The following DPY19L2 variants were observed in gnomAD, a reference collection of about 807,000 sequenced individuals.
DPY19L2 encodes the protein dpy-19 like 2.
In DPY19L2, 34 loss-of-function variants were observed where a neutral mutation model predicts 97.9. The ratio of observed to expected loss-of-function variants is 0.35; its 90% CI spans 0.26 to 0.46. DPY19L2 has a LOEUF of 0.46. Among genes scored for constraint, DPY19L2 ranks in the 20% least tolerant of loss-of-function variants. The pLI, the probability that DPY19L2 is intolerant of heterozygous loss-of-function variation, is 1.00. For synonymous variants in DPY19L2, 230 were observed against 307.9 expected (o/e 0.75, Z 2.65); for missense variants, 623 against 911.4 (o/e 0.68, Z 4.07).
At chr12:63,632,672 T>A (rs1014239414) in intron 6 of DPY19L2, among the ~76,000 whole-genome samples, 2 of 152,128 alleles carry the variant, frequency 1.3e-5, no homozygotes, top group African/African-American at 4.8e-5. Flanking sequence ...GGAATCCCCA[T>A]CAAGCTACCA....
chr12:63,618,547 G>C (rs1337848816), intron 9 of DPY19L2, among the ~76,000 whole-genome samples: 1 of 152,100 alleles, frequency 6.6e-6, no homozygotes, highest in African/African-American at 2.4e-5. Flanking sequence ...AATTTCAACA[G>C]AGGCAGATGC....
chr12:63,600,888 G>C (rs947259183), intron 12 of DPY19L2, among the ~76,000 whole-genome samples: 4 of 151,642 alleles, frequency 2.6e-5, no homozygotes, highest in South Asian at 4.2e-4. Context: ...CGGGTTCACG[G>C]CATTCTCCTG....
intron 16 of DPY19L2, 92 bp from the exon 17 acceptor site, chr12:63,583,928 T>C: frequency 1.9e-6 from 2 of 1,080,528 alleles, no homozygotes; most frequent in Non-Finnish European, 2.7e-6. Flanking sequence ...TCTTAGATTT[T>C]TAAAATGTGA....
chr12:63,661,339 C>T lies in DPY19L2; in HGVS notation c.588+5G>A, dbSNP rs757393113. 3.8e-6 allele frequency: 6 copies of T among 1,565,314 alleles called. No homozygotes were observed. In the South Asian group the frequency reaches 7.3e-5, roughly 19 times the overall value. On this transcript the variant is annotated splice_donor_5th_base_variant and intron_variant, in intron 4 of 21. Transcript: ENST00000324472. The stretch of plus-strand genomic sequence containing the variant: ...AAATATTATTTGTCTCAAATTATGA[C>T]TCACCTCTGGATAAAGATGGAAGCG...
At position 63,610,636 on chromosome 12, in the gene DPY19L2, A is replaced by C. The variant is rs560748987; in HGVS notation, c.1219-1961T>G. Among the ~76,000 whole-genome samples the C allele has an allele frequency of 3.3e-5, 5 of 151,294 alleles. No homozygotes were observed. In the South Asian group the frequency reaches 1.0e-3, roughly 32 times the overall value. On this transcript the variant is annotated intron_variant, in intron 11 of 21. Transcript: ENST00000324472. ...AATCAGTAATAAAAATTTTCTCAAC[A>C]AAGGAAAACCTCGAACCAGATGGCT...
chr12:63,587,793 G>C (rs189721159), intron 16 of DPY19L2, among the ~76,000 whole-genome samples: 102 of 152,002 alleles, frequency 6.7e-4, no homozygotes, highest in African/African-American at 2.3e-3. Context: ...GGATGGTCTC[G>C]ATCTCCTGAC....
Position 63,668,468 on chromosome 12 carries a change from G to C in DPY19L2, c.-75C>G. Reference sequence around the variant, plus strand: ...AGTCAGGCGAGGTCCAGAGAGACCTGACTCGCCTGGCAGCCTCAACGGACT... The same window carrying C: ...AGTCAGGCGAGGTCCAGAGAGACCTCACTCGCCTGGCAGCCTCAACGGACT... On this transcript the variant is annotated 5_prime_UTR_variant, in exon 1 of 22. Coordinates refer to ENST00000324472, the MANE Select transcript of DPY19L2 (RefSeq NM_173812.5). The C allele has an allele frequency of 1.4e-6, 2 of 1,398,168 alleles. No homozygotes were observed. Among genetic ancestry groups the C allele is most frequent in the Non-Finnish European group, 1.9e-6 (2 of 1,055,910 alleles). The allele number at this position is 1,398,168 out of a possible 1,614,324, so 86.6% of individuals were successfully genotyped here.
At chr12:63,655,308 G>A (rs1894819118) in intron 4 of DPY19L2, among the ~76,000 whole-genome samples, 1 of 152,118 alleles carries the variant, frequency 6.6e-6, no homozygotes, top group African/African-American at 2.4e-5. Context: ...ATAAAAAATA[G>A]TGACAATACC....
At chr12:63,573,928 G>C (rs1490415364) in intron 19 of DPY19L2, among the ~76,000 whole-genome samples, 1 of 152,064 alleles carries the variant, frequency 6.6e-6, no homozygotes, top group African/African-American at 2.4e-5. Context: ...AAATGCTAAA[G>C]GGAGATCTTC....
chr12:63,627,150 A>C (rs1889696325), intron 6 of DPY19L2, among the ~76,000 whole-genome samples: 1 of 152,170 alleles, frequency 6.6e-6, no homozygotes, highest in Non-Finnish European at 1.5e-5. Context: ...TCTGAATAAA[A>C]GCAAATTTTT....
Position 63,582,398 on chromosome 12 carries a change from T to A in DPY19L2, c.1725+8A>T. ...TATAGTATTGTTATACAAGAATGAA[T>A]CCCTTACCTGTCGAGAGCATATCAA... On this transcript the variant is annotated splice_region_variant and intron_variant, in intron 18 of 21. Transcript: ENST00000324472. 3 of 1,609,716 alleles carry A rather than the reference T, an allele frequency of 1.9e-6. No homozygotes were observed. The highest frequency in any genetic ancestry group is 1.7e-6 in the Non-Finnish European group (2 of 1,178,484).
intron 19 of DPY19L2, among the ~76,000 whole-genome samples, chr12:63,579,627 G>A (rs1880513767): frequency 6.6e-6 from 1 of 152,110 alleles, no homozygotes; most frequent in South Asian, 2.1e-4. Flanking sequence ...TTAAAAGCTT[G>A]GGAAAAATAG....
chr12:63,604,516 G>A (rs1161674250), intron 12 of DPY19L2, among the ~76,000 whole-genome samples: 1 of 151,888 alleles, frequency 6.6e-6, no homozygotes, highest in African/African-American at 2.4e-5. Context: ...CATAGGTCCC[G>A]AAGGCTCTGT....
chr12:63,563,736 T>C (rs1303445218), intron 21 of DPY19L2, among the ~76,000 whole-genome samples: 1 of 152,150 alleles, frequency 6.6e-6, no homozygotes, highest in Non-Finnish European at 1.5e-5. Context: ...TATTGTAATG[T>C]TTCTCTCATG....
rs1022543875 is a variant in DPY19L2, at chr12:63,559,463, A to G, written c.*1049T>C. ...AAGAATGTTTATCTTTGCATTTGGC[A>G]AGAGTATCTTCAAGATAACTACCAC... On this transcript the variant is annotated 3_prime_UTR_variant, in exon 22 of 22. Coordinates refer to ENST00000324472, the MANE Select transcript of DPY19L2 (RefSeq NM_173812.5). 1 of 152,596 alleles carries G rather than the reference A, an allele frequency of 6.6e-6. No individual in the cohort carries two copies. The highest frequency in any genetic ancestry group is 1.5e-5 in the Non-Finnish European group (1 of 68,012). 9.5% of individuals were successfully genotyped at this position (152,596 alleles called of 1,614,324 possible). A position where few individuals can be genotyped will look rare whatever the true frequency, so the allele number is the denominator to read the frequency against.
intron 6 of DPY19L2, among the ~76,000 whole-genome samples, chr12:63,643,373 G>C (rs1309584872): frequency 6.6e-6 from 1 of 151,774 alleles, no homozygotes; most frequent in Non-Finnish European, 1.5e-5. Context: ...CAAAGAGTGT[G>C]TATATTTACT....
intron 7 of DPY19L2, among the ~76,000 whole-genome samples, chr12:63,625,992 T>C (rs183191640): frequency 0.016 from 2,435 of 148,320 alleles, 68 homozygotes; most frequent in African/African-American, 0.055. Context: ...TTATAATTTA[T>C]AAAATATAAA....
chr12:63,643,009 C>T (rs1892913407), intron 6 of DPY19L2, among the ~76,000 whole-genome samples: 1 of 151,684 alleles, frequency 6.6e-6, no homozygotes, highest in Admixed American at 6.6e-5. Flanking sequence ...GAATATCATG[C>T]TTTTAATGCT....
Position 63,668,247 on chromosome 12 carries a change from C to T in DPY19L2, c.147G>A (p.Arg49=). ...TCCCCGGGGAGGACCTCCAGGAGCCCCTTGGCAGTTTCCCGCCGCCTAGGG... is the reference window on the plus strand; with the variant it reads ...TCCCCGGGGAGGACCTCCAGGAGCCTCTTGGCAGTTTCCCGCCGCCTAGGG... ...KSALGGGKLP[R]GSWRSSPGRI... Residue 49 remains arginine, a synonymous_variant, in exon 1 of 22, where the codon AGG becomes AGA. Coordinates refer to ENST00000324472, the MANE Select transcript of DPY19L2 (RefSeq NM_173812.5). The T allele has an allele frequency of 6.2e-7, 1 of 1,613,868 alleles. No homozygotes were observed.
Sources: allele counts gnomAD v4.1 joint callset (sites outside exome capture counted in the v4.1 genomes callset), GRCh38; gene constraint gnomAD v4.1.1; transcripts MANE v1.5; gene names NCBI Gene and HGNC (gene_info 2026-07-23, HGNC 2026-07-21).